Variants in TAX1BP1 observed in about 807,000 individuals in gnomAD.
TAX1BP1 encodes Tax1 binding protein 1.
A neutral mutation model predicts 97.7 loss-of-function variants in TAX1BP1; 62 were observed. The observed-to-expected ratio is 0.63, with a 90% CI of 0.52 to 0.78. TAX1BP1 has a LOEUF of 0.78. Ranked by LOEUF, TAX1BP1 falls within the 30% of genes least tolerant of loss-of-function variation. TAX1BP1 has a pLI of 0.00. For missense variants in TAX1BP1, 867 were observed against 916.1 expected (o/e 0.95, Z 0.69); for synonymous variants, 340 against 304.2 (o/e 1.12, Z -1.23).
intron 13 of TAX1BP1, among the ~76,000 whole-genome samples, chr7:27,800,552 C>G (rs958855258): frequency 6.6e-6 from 1 of 151,706 alleles, no homozygotes; most frequent in Admixed American, 6.6e-5. Context: ...TACCCACCCC[C>G]CTACCAGTCT....
chr7:27,784,677 A>G (rs1210732139), intron 5 of TAX1BP1, among the ~76,000 whole-genome samples: 1 of 152,164 alleles, frequency 6.6e-6, no homozygotes, highest in East Asian at 1.9e-4. Flanking sequence ...GGGTACATGA[A>G]AAGTCTGAAG....
At chr7:27,823,156 ATGTC>A (rs1791041993) in intron 15 of TAX1BP1, among the ~76,000 whole-genome samples, 2 of 152,308 alleles carry the variant, frequency 1.3e-5, no homozygotes, top group South Asian at 2.1e-4. Flanking sequence ...CTAGAAATGA[ATGTC>A]TGGCAAAGCA....
chr7:27,765,918 C>T lies in TAX1BP1; in HGVS notation c.350C>T (p.Pro117Leu). 3.7e-6 allele frequency: 6 copies of T among 1,614,158 alleles called. No individual in the cohort carries two copies. The highest frequency in any genetic ancestry group is 1.1e-5 in the South Asian group (1 of 91,078). ...GGTGAAATTCGTGGAGCAAGTACAC[C>T]TTTCCAGTTTCGAGCTTCTTCTCCA... is the stretch of plus-strand genomic sequence containing the variant. ...HKGEIRGAST[P>L]FQFRASSPVE... The change falls in exon 4 of 17, where the codon CCT becomes CTT. Residue 117 changes from proline to leucine, a missense_variant. Coordinates refer to ENST00000396319, the MANE Select transcript of TAX1BP1 (RefSeq NM_006024.7).
intron 11 of TAX1BP1, 34 bp from the exon 12 acceptor site, chr7:27,796,082 C>T (rs1789921464): frequency 6.5e-7 from 1 of 1,537,036 alleles, no homozygotes; most frequent in African/African-American, 1.4e-5. Context: ...GGGCAAAATA[C>T]TTTTTAACAG....
In TAX1BP1 at chr7:27,828,859, A is replaced by T; in HGVS notation, c.*30A>T. 2.5e-5 allele frequency: 29 copies of T among 1,165,774 alleles called. No homozygotes were observed. The highest frequency in any genetic ancestry group is 2.1e-4 in the Middle Eastern group (1 of 4,846). The allele number at this position is 1,165,774 out of a possible 1,614,324, so 72.2% of individuals were successfully genotyped here. A position where few individuals can be genotyped will look rare whatever the true frequency, so the allele number is the denominator to read the frequency against. On this transcript the variant is annotated 3_prime_UTR_variant, in exon 17 of 17. Transcript: ENST00000396319. ...TTTTTATTATGAGTTAATATAGTTT[A>T]GCAGTAAAAAAAAAAAAAAAAACCA...
chr7:27,816,628 ATTATT>A lies in TAX1BP1; in HGVS notation c.1936+115_1936+119del, dbSNP rs1790779078. ...TGGTATAATCAACCCTAATACAAAC[ATTATT>A]TTATTTGTATAATTAGCAGTTTTAA... On this transcript the variant is annotated intron_variant, in intron 14 of 16. Coordinates refer to ENST00000396319, the MANE Select transcript of TAX1BP1 (RefSeq NM_006024.7). 4.8e-6 allele frequency: 5 copies of A among 1,047,026 alleles called. No homozygotes were observed. The Admixed American group carries it at 1.4e-4, about 30-fold the overall frequency. The allele number at this position is 1,047,026 out of a possible 1,614,324, so 64.9% of individuals were successfully genotyped here. A position where few individuals can be genotyped will look rare whatever the true frequency, so the allele number is the denominator to read the frequency against.
At chr7:27,816,869 T>C in intron 14 of TAX1BP1, 21 bp from the exon 15 acceptor site, 1 of 1,613,292 alleles carries the variant, frequency 6.2e-7, no homozygotes, top group Non-Finnish European at 8.5e-7. Flanking sequence ...TCACTCTACC[T>C]TTCCAAAAAT....
intron 15 of TAX1BP1, among the ~76,000 whole-genome samples, chr7:27,823,291 G>A (rs7809735): frequency 0.77 from 117,774 of 152,056 alleles, 46,686 homozygotes; most frequent in African/African-American, 0.94. Flanking sequence ...GAGTCATTGG[G>A]TACTCTCTTT....
intron 13 of TAX1BP1, among the ~76,000 whole-genome samples, chr7:27,805,414 GT>G (rs1480457797): frequency 6.6e-6 from 1 of 151,026 alleles, no homozygotes; most frequent in African/African-American, 2.4e-5. Context: ...TTTTCTCTCA[GT>G]TTATTTGACT....
At chr7:27,824,462 G>A (rs1156588311) in intron 15 of TAX1BP1, among the ~76,000 whole-genome samples, 2 of 149,858 alleles carry the variant, frequency 1.3e-5, no homozygotes, top group Admixed American at 1.3e-4. Context: ...GCTGAGATGG[G>A]AGGATTGCTG....
chr7:27,767,377 G>A (rs896351127), intron 4 of TAX1BP1, among the ~76,000 whole-genome samples: 2 of 152,048 alleles, frequency 1.3e-5, no homozygotes, highest in African/African-American at 4.8e-5. Flanking sequence ...TGAGACTGGA[G>A]TAAAAAGACA....
At chr7:27,752,938 A>G (rs1304292544) in intron 2 of TAX1BP1, among the ~76,000 whole-genome samples, 3 of 152,236 alleles carry the variant, frequency 2.0e-5, no homozygotes, top group African/African-American at 4.8e-5. Flanking sequence ...CAGAGTTGCT[A>G]ATAAGTTCAG....
chr7:27,775,814 C>CA (rs1789011634), intron 5 of TAX1BP1, among the ~76,000 whole-genome samples: 1 of 152,178 alleles, frequency 6.6e-6, no homozygotes, highest in Non-Finnish European at 1.5e-5. Flanking sequence ...TAAAAACCAA[C>CA]ATGGACTTCA....
chr7:27,787,538 C>G lies in TAX1BP1; in HGVS notation c.973C>G (p.Leu325Val). The G allele has an allele frequency of 6.2e-7, 1 of 1,613,576 alleles. No individual in the cohort carries two copies. Among genetic ancestry groups the G allele is most frequent in the Non-Finnish European group, 8.5e-7 (1 of 1,179,726 alleles). ...ITHFKEEIGR[L>V]QLCLAEKENL... is the part of the protein sequence containing the mutation. The stretch of plus-strand genomic sequence containing the variant: ...TCATTTCAAAGAAGAGATTGGCAGG[C>G]TGCAGTTATGTTTGGCTGAAAAGGA... Residue 325 changes from leucine (L) to valine (V), a missense_variant, in exon 8 of 17, where the codon CTG becomes GTG. Physicochemically the swap from Leu to Val is conservative, Grantham distance 32. Transcript: ENST00000396319.
chr7:27,751,567 C>G (rs987156686), intron 2 of TAX1BP1, among the ~76,000 whole-genome samples: 9 of 152,042 alleles, frequency 5.9e-5, no homozygotes, highest in African/African-American at 2.2e-4. Context: ...TTTATTTTGT[C>G]TACTTATTTC....
At chr7:27,758,229 A>T in intron 3 of TAX1BP1, 96 bp downstream of exon 3, 7 of 926,604 alleles carry the variant, frequency 7.6e-6, no homozygotes, top group Non-Finnish European at 1.1e-5. Flanking sequence ...AGGTATCTCC[A>T]GGGTACCAAA....
rs376086302 is a variant in TAX1BP1, at chr7:27,799,260, C to T, written c.1639-705C>T. Reference sequence around the variant, plus strand: ...AAAGATTTTCCTCTCCATTGAATTGCTCAAAGTATATTTTTAAGCGTTCAC... The same window carrying T: ...AAAGATTTTCCTCTCCATTGAATTGTTCAAAGTATATTTTTAAGCGTTCAC... On this transcript the variant is annotated intron_variant, in intron 12 of 16. Transcript: ENST00000396319. 2.0e-4 allele frequency among the ~76,000 whole-genome samples: 31 copies of T among 152,312 alleles called. No individual in the cohort carries two copies. In the East Asian group the frequency reaches 4.6e-3, roughly 23 times the overall value.
chr7:27,776,652 C>G (rs913586291), intron 5 of TAX1BP1, among the ~76,000 whole-genome samples: 3 of 151,646 alleles, frequency 2.0e-5, no homozygotes, highest in Non-Finnish European at 2.9e-5. Context: ...GGTTCAGTGA[C>G]CTTTTTGTAT....
chr7:27,771,245 A>G (rs995792259), intron 5 of TAX1BP1, among the ~76,000 whole-genome samples: 4 of 147,420 alleles, frequency 2.7e-5, no homozygotes, highest in African/African-American at 1.0e-4. Context: ...CCAAAGTTTA[A>G]TGTCAATCTT....
Sources: allele counts gnomAD v4.1 joint callset (sites outside exome capture counted in the v4.1 genomes callset), GRCh38; gene constraint gnomAD v4.1.1; transcripts MANE v1.5; gene names NCBI Gene and HGNC (gene_info 2026-07-23, HGNC 2026-07-21).